Variants in SLC35F4 observed in about 807,000 individuals in gnomAD.
The protein encoded by SLC35F4 is chromosome 14 open reading frame 36.
In SLC35F4, 24 loss-of-function variants were observed where a neutral mutation model predicts 44.2. The observed-to-expected ratio is 0.54, with a 90% CI of 0.39 to 0.76. The LOEUF (loss-of-function observed/expected upper bound fraction) is 0.76, where lower values mean the gene tolerates loss of function less well. SLC35F4 is among the 30% of genes least tolerant of loss of function. The probability of loss-of-function intolerance (pLI) is 0.00; values close to 1 mark genes in which losing one functional copy is unlikely to be tolerated. For missense variants in SLC35F4, 562 were observed against 586.1 expected (o/e 0.96, Z 0.42); for synonymous variants, 238 against 223.6 (o/e 1.06, Z -0.57).
chr14:57,873,613 T>G (rs1301933575), intron 1 of SLC35F4, among the ~76,000 whole-genome samples: 5 of 152,164 alleles, frequency 3.3e-5, no homozygotes, highest in South Asian at 2.1e-4. Flanking sequence ...TATTTTTTAA[T>G]GCAGGGGGAA....
intron 1 of SLC35F4, among the ~76,000 whole-genome samples, chr14:57,962,887 G>A (rs764110032): frequency 6.6e-6 from 1 of 152,126 alleles, no homozygotes; most frequent in Admixed American, 6.5e-5. Context: ...TTTAATGCAC[G>A]TCAATCCTGC....
In SLC35F4 at chr14:57,865,833, G is replaced by T. The variant is rs1395187334; in HGVS notation, c.-8C>A. 1 of 1,498,746 alleles carries T rather than the reference G, an allele frequency of 6.7e-7. No homozygotes were observed. Among genetic ancestry groups the T allele is most frequent in the Non-Finnish European group, 8.9e-7 (1 of 1,129,178 alleles). 92.8% of individuals were successfully genotyped at this position (1,498,746 alleles called of 1,614,324 possible). A position where few individuals can be genotyped will look rare whatever the true frequency, so the allele number is the denominator to read the frequency against. On this transcript the variant is annotated 5_prime_UTR_variant, in exon 1 of 8. Transcript: ENST00000556826. ...GGCCGCCTTGACATCCATAGAGAGC[G>T]CGGGGCGACGGCCCCGAGTGCGGCG...
chr14:57,602,413 G>A (rs556265742), intron 1 of SLC35F4: 2 of 152,204 alleles, frequency 1.3e-5, no homozygotes, highest in South Asian at 4.2e-4. Context: ...AGAGAACCTA[G>A]GGGGAAGATA....
At chr14:57,719,890 T>C (rs982757801) in intron 1 of SLC35F4, among the ~76,000 whole-genome samples, 1 of 152,108 alleles carries the variant, frequency 6.6e-6, no homozygotes, top group Non-Finnish European at 1.5e-5. Context: ...GTGCTCCAGA[T>C]CTAAGAGGAA....
intron 1 of SLC35F4, among the ~76,000 whole-genome samples, chr14:57,635,491 G>T (rs569151847): frequency 7.3e-4 from 111 of 151,986 alleles, no homozygotes; most frequent in Non-Finnish European, 1.4e-3. Context: ...GATAACACTG[G>T]GCTAGAGAAA....
chr14:57,904,586 G>A (rs1052428725), intron 1 of SLC35F4, among the ~76,000 whole-genome samples: 2 of 152,232 alleles, frequency 1.3e-5, no homozygotes, highest in African/African-American at 2.4e-5. Context: ...ACATTGAAGT[G>A]GGCTTTGGAT....
At chr14:57,711,221 C>T (rs1324214205) in intron 1 of SLC35F4, among the ~76,000 whole-genome samples, 1 of 152,100 alleles carries the variant, frequency 6.6e-6, no homozygotes, top group Non-Finnish European at 1.5e-5. Flanking sequence ...TCTGCTTGCA[C>T]TTCTCCCTGC....
intron 1 of SLC35F4, among the ~76,000 whole-genome samples, chr14:57,650,273 C>G (rs1594706133): frequency 6.6e-6 from 1 of 152,046 alleles, no homozygotes; most frequent in African/African-American, 2.4e-5. Flanking sequence ...TATCTCACAT[C>G]CAGCTTTCTA....
At chr14:57,973,656 C>A (rs1881120586), downstream of SLC35F4, among the ~76,000 whole-genome samples, 2 of 152,074 alleles carry the variant, frequency 1.3e-5, no homozygotes, top group South Asian at 4.2e-4. Flanking sequence ...TTAATTTAGG[C>A]TCTTTTGGTT....
At chr14:57,669,973 G>T (rs1054667404) in intron 1 of SLC35F4, among the ~76,000 whole-genome samples, 2 of 151,992 alleles carry the variant, frequency 1.3e-5, no homozygotes, top group African/African-American at 4.8e-5. Flanking sequence ...ACTTTTTTTG[G>T]TTGGTAAGCT....
At chr14:57,730,998 T>A (rs981119937) in intron 1 of SLC35F4, among the ~76,000 whole-genome samples, 1 of 152,180 alleles carries the variant, frequency 6.6e-6, no homozygotes, top group Non-Finnish European at 1.5e-5. Context: ...AGGGAGAATA[T>A]TATATTTAAG....
At chr14:57,867,679 A>G (rs1888209158), upstream of SLC35F4, among the ~76,000 whole-genome samples, 1 of 151,556 alleles carries the variant, frequency 6.6e-6, no homozygotes, top group Non-Finnish European at 1.5e-5. Context: ...TATCAAATGC[A>G]TGTATTGCAC....
intron 1 of SLC35F4, among the ~76,000 whole-genome samples, chr14:57,604,719 A>G (rs569660182): frequency 6.6e-6 from 1 of 152,260 alleles, no homozygotes; most frequent in Non-Finnish European, 1.5e-5. Flanking sequence ...CTACAAGGCT[A>G]CAGTAAACAA....
In SLC35F4 at chr14:57,899,782, G is replaced by A. The variant is rs532938693; in HGVS notation, n.282+82131C>T. Among the ~76,000 whole-genome samples, 112 of 152,216 alleles carry A rather than the reference G, an allele frequency of 7.4e-4. 2 individuals carry two copies. Among genetic ancestry groups the A allele is most frequent in the Admixed American group, 1.2e-3 (19 of 15,290 alleles). ...GGTGTGTCCAGAGTTGGTTCCTGCC[G>A]GTGGGTTCGTGGTCTCTCTGACTTC... On this transcript the variant is annotated intron_variant and non_coding_transcript_variant, in intron 1 of 1. Coordinates refer to the SLC35F4 transcript ENST00000556568.
intron 1 of SLC35F4, among the ~76,000 whole-genome samples, chr14:57,921,045 C>T (rs1178566667): frequency 1.3e-5 from 2 of 152,188 alleles, no homozygotes; most frequent in Non-Finnish European, 2.9e-5. Context: ...TAGACACTCA[C>T]CATCTTCAGA....
At chr14:57,742,395 G>T (rs2076635214) in intron 1 of SLC35F4, among the ~76,000 whole-genome samples, 1 of 152,000 alleles carries the variant, frequency 6.6e-6, no homozygotes, top group South Asian at 2.1e-4. Flanking sequence ...CAAGCAAATG[G>T]AAAACAACAT....
At chr14:57,676,715 C>T (rs1419904523) in intron 1 of SLC35F4, among the ~76,000 whole-genome samples, 2 of 152,008 alleles carry the variant, frequency 1.3e-5, no homozygotes, top group African/African-American at 4.8e-5. Flanking sequence ...CAATGAGATA[C>T]CACCTTACTC....
chr14:57,662,099 C>T (rs1346303991), intron 1 of SLC35F4, among the ~76,000 whole-genome samples: 3 of 152,158 alleles, frequency 2.0e-5, no homozygotes, highest in Non-Finnish European at 4.4e-5. Flanking sequence ...ATTTTGCTGC[C>T]ACCATTCACT....
intron 1 of SLC35F4, among the ~76,000 whole-genome samples, chr14:57,749,022 C>A (rs1174102511): frequency 6.6e-6 from 1 of 152,030 alleles, no homozygotes; most frequent in Non-Finnish European, 1.5e-5. Context: ...TACAAAGGCC[C>A]AGAGAAAAAC....
Sources: gnomAD v4.1 joint callset for allele counts (sites outside exome capture counted in the v4.1 genomes callset) on GRCh38, gnomAD v4.1.1 for gene constraint, MANE v1.5 for transcripts, NCBI Gene and HGNC (gene_info 2026-07-23, HGNC 2026-07-21) for gene names.